GRIP1: variants seen among roughly 807,000 people sequenced by gnomAD.
The protein encoded by GRIP1 is glutamate receptor interacting protein 1, also known as glutamate receptor-interacting protein 1.
A neutral mutation model predicts 129.9 loss-of-function variants in GRIP1; 45 were observed. The observed-to-expected ratio is 0.35, with a 90% CI of 0.27 to 0.44. The LOEUF (loss-of-function observed/expected upper bound fraction) is 0.44. Ranked by LOEUF, GRIP1 falls within the 20% of genes least tolerant of loss-of-function variation. GRIP1 has a pLI of 1.00. For synonymous variants in GRIP1, 530 were observed against 520.8 expected (o/e 1.02, Z -0.24); for missense variants, 1,196 against 1,396.8 (o/e 0.86, Z 2.29).
intron 1 of GRIP1, among the ~76,000 whole-genome samples, chr12:66,598,089 C>T (rs1047487752): frequency 6.6e-5 from 10 of 152,134 alleles, no homozygotes; most frequent in African/African-American, 2.4e-4. Flanking sequence ...AGAAACCATA[C>T]TGTGCATGAC....
In GRIP1 at chr12:66,599,159, C is replaced by A. The variant is rs535271805; in HGVS notation, c.56-2232G>T. The stretch of plus-strand genomic sequence containing the variant: ...TCCATCACCACCCCCAACCTCCACT[C>A]CTGCTCCCAGTATCAAGAGTGAACT... On this transcript the variant is annotated intron_variant, in intron 1 of 24. Transcript: ENST00000359742. Among the ~76,000 whole-genome samples the A allele has an allele frequency of 2.6e-4, 40 of 152,316 alleles. No individual in the cohort carries two copies. In the South Asian group the frequency reaches 4.4e-3, roughly 17 times the overall value.
chr12:66,522,133 T>C (rs1268106393), intron 5 of GRIP1, among the ~76,000 whole-genome samples: 1 of 152,220 alleles, frequency 6.6e-6, no homozygotes, highest in Non-Finnish European at 1.5e-5. Context: ...TGTCCCTGTC[T>C]GACAGCTTTG....
rs755005001 is a variant in GRIP1, at chr12:66,432,524, T to G, written c.1768+24A>C. 6 of 1,392,230 alleles carry G rather than the reference T, an allele frequency of 4.3e-6. No individual in the cohort carries two copies. In the South Asian group the frequency reaches 7.0e-5, roughly 16 times the overall value. 86.2% of individuals were successfully genotyped at this position (1,392,230 alleles called of 1,614,324 possible). A position where few individuals can be genotyped will look rare whatever the true frequency, so the allele number is the denominator to read the frequency against. On this transcript the variant is annotated intron_variant, in intron 14 of 24. Transcript: ENST00000359742. ...GTTTTCTAATGCCTTTAAAAATTATTTAAAAGAAATAACTTCTACTTACAA... is the reference window on the plus strand; with the variant it reads ...GTTTTCTAATGCCTTTAAAAATTATGTAAAAGAAATAACTTCTACTTACAA...
intron 7 of GRIP1, among the ~76,000 whole-genome samples, chr12:66,513,692 A>G (rs2060765331): frequency 6.6e-6 from 1 of 152,094 alleles, no homozygotes; most frequent in Non-Finnish European, 1.5e-5. Flanking sequence ...ACCTTGAGGA[A>G]CTCTTAAAAT....
intron 14 of GRIP1, among the ~76,000 whole-genome samples, chr12:66,423,401 C>A (rs1369257181): frequency 2.0e-5 from 3 of 152,176 alleles, no homozygotes. Context: ...GGACTGTTTC[C>A]CACTACCTCC....
intron 1 of GRIP1, among the ~76,000 whole-genome samples, chr12:67,058,873 T>C (rs1463250381): frequency 2.0e-5 from 3 of 152,142 alleles, no homozygotes; most frequent in African/African-American, 4.8e-5. Context: ...CCACTTCAGA[T>C]AGGGAACAGC....
At chr12:66,368,800 C>T (rs1218945824) in intron 23 of GRIP1, among the ~76,000 whole-genome samples, 1 of 152,180 alleles carries the variant, frequency 6.6e-6, no homozygotes, top group African/African-American at 2.4e-5. Flanking sequence ...CACCCACATT[C>T]AACACACACA....
intron 7 of GRIP1, among the ~76,000 whole-genome samples, chr12:66,476,942 G>A (rs2059635201): frequency 6.6e-6 from 1 of 152,130 alleles, no homozygotes; most frequent in Non-Finnish European, 1.5e-5. Flanking sequence ...GCAAAAACTG[G>A]AAGCATTCCC....
chr12:66,932,369 A>G lies in GRIP1; in HGVS notation c.58+136681T>C, dbSNP rs539151343. On this transcript the variant is annotated intron_variant, in intron 1 of 1. Transcript: ENST00000643019. ...CCATTAGTCATTTGAGAAAGTTAAT[A>G]AACTAGAAACCCTATCACTCTATGA... 3.9e-5 allele frequency among the ~76,000 whole-genome samples: 6 copies of G among 152,354 alleles called. No individual in the cohort carries two copies. In the East Asian group the frequency reaches 9.6e-4, roughly 24 times the overall value.
At chr12:66,573,242 C>A (rs1565874430) in intron 2 of GRIP1, among the ~76,000 whole-genome samples, 1 of 152,074 alleles carries the variant, frequency 6.6e-6, no homozygotes, top group Non-Finnish European at 1.5e-5. Context: ...TGAATTCGGC[C>A]AACAACCTGG....
intron 1 of GRIP1, among the ~76,000 whole-genome samples, chr12:67,020,087 T>C (rs2042843375): frequency 6.6e-6 from 1 of 152,186 alleles, no homozygotes; most frequent in Admixed American, 6.5e-5. Context: ...GCACTTTAAA[T>C]ATTAAGTGAA....
chr12:66,819,588 T>C (rs1257505174), intron 1 of GRIP1, among the ~76,000 whole-genome samples: 1 of 152,214 alleles, frequency 6.6e-6, no homozygotes, highest in South Asian at 2.1e-4. Context: ...AAACCACTTT[T>C]ATAATGCCAG....
At chr12:66,445,854 T>C (rs1211607600) in intron 11 of GRIP1, among the ~76,000 whole-genome samples, 1 of 152,144 alleles carries the variant, frequency 6.6e-6, no homozygotes, top group Non-Finnish European at 1.5e-5. Context: ...GGCCATTTTG[T>C]CTCTTTGTGT....
At chr12:66,734,017 G>A (rs990810516) in intron 1 of GRIP1, among the ~76,000 whole-genome samples, 7 of 152,076 alleles carry the variant, frequency 4.6e-5, no homozygotes, top group African/African-American at 1.7e-4. Context: ...CTGCAACTAG[G>A]AGAGGCAAAA....
At chr12:66,779,988 G>T (rs1043539868) in intron 1 of GRIP1, among the ~76,000 whole-genome samples, 1 of 152,180 alleles carries the variant, frequency 6.6e-6, no homozygotes, top group Admixed American at 6.5e-5. Context: ...TGTGGTGAAT[G>T]TATCAGGAGG....
At chr12:66,930,934 T>A (rs943839269) in intron 1 of GRIP1, among the ~76,000 whole-genome samples, 1 of 152,134 alleles carries the variant, frequency 6.6e-6, no homozygotes, top group Non-Finnish European at 1.5e-5. Flanking sequence ...GGCTCCAGGA[T>A]TCTAGTCTAA....
At chr12:66,629,559 T>C (rs1297788093) in intron 1 of GRIP1, among the ~76,000 whole-genome samples, 1 of 152,178 alleles carries the variant, frequency 6.6e-6, no homozygotes, top group East Asian at 1.9e-4. Context: ...CAAGTGAACA[T>C]TCAAATGTAA....
chr12:66,525,971 CA>C (rs1184445637), intron 5 of GRIP1, among the ~76,000 whole-genome samples: 1 of 152,098 alleles, frequency 6.6e-6, no homozygotes, highest in African/African-American at 2.4e-5. Flanking sequence ...ATCCAACTTA[CA>C]AGGGTTGTGA....
intron 7 of GRIP1, among the ~76,000 whole-genome samples, chr12:66,479,289 A>G (rs936665396): frequency 5.9e-4 from 89 of 152,110 alleles, no homozygotes; most frequent in Middle Eastern, 3.2e-3. Flanking sequence ...TACTATAAAT[A>G]CCTCTATACA....
Sources: allele counts gnomAD v4.1 joint callset (sites outside exome capture counted in the v4.1 genomes callset), GRCh38; gene constraint gnomAD v4.1.1; transcripts MANE v1.5; gene names NCBI Gene and HGNC (gene_info 2026-07-23, HGNC 2026-07-21).